Variants in CLTB observed in about 807,000 individuals in gnomAD.
CLTB encodes the protein clathrin, light chain (Lcb).
CLTB carries 10 observed loss-of-function variants against 30.5 expected under a neutral mutation model. The ratio of observed to expected loss-of-function variants is 0.33; its 90% CI spans 0.20 to 0.56. CLTB has a LOEUF of 0.56. CLTB is among the 20% of genes least tolerant of loss of function. The pLI is 0.91. For synonymous variants in CLTB, 102 were observed against 120.3 expected, an observed-to-expected ratio of 0.85 and a Z score of 1.00; for missense variants, 261 against 308.3, an observed-to-expected ratio of 0.85 and a Z score of 1.15.
chr5:176,394,770 A>G (rs908620744), intron 5 of CLTB, among the ~76,000 whole-genome samples: 9 of 152,082 alleles, frequency 5.9e-5, no homozygotes, highest in South Asian at 4.2e-4. Flanking sequence ...AGCTGAGATC[A>G]TGCCACTGCA....
At chr5:176,415,378 G>A (rs771212395) in intron 1 of CLTB, among the ~76,000 whole-genome samples, 4 of 152,110 alleles carry the variant, frequency 2.6e-5, no homozygotes, top group African/African-American at 4.8e-5. Context: ...CTTCAAGTCC[G>A]ACAGGAACAG....
chr5:176,402,209 G>A (rs1158884379), intron 2 of CLTB, among the ~76,000 whole-genome samples: 1 of 152,186 alleles, frequency 6.6e-6, no homozygotes, highest in Non-Finnish European at 1.5e-5. Context: ...GGCTGAGGCA[G>A]GAGAATTGAA....
rs752659726 is a variant in CLTB at position 176,396,528 on chromosome 5, C to T, written c.469G>A (p.Ala157Thr). ...GGCTGCTGGTAGAATGCTTTGTCAGCGATCCTTGAGGGAAAGGTTGAGGGA... is the reference window on the plus strand; with the variant it reads ...GGCTGCTGGTAGAATGCTTTGTCAGTGATCCTTGAGGGAAAGGTTGAGGGA... ...VEKNKINNRI[A>T]DKAFYQQPDA... The change falls in exon 5 of 6, where the codon GCT becomes ACT. Residue 157 changes from alanine (A) to threonine (T), a missense_variant. Physicochemically the swap from Ala to Thr is moderately conservative, Grantham distance 58. Transcript: ENST00000310418. 3.7e-6 allele frequency: 6 copies of T among 1,612,950 alleles called. No homozygotes were observed. The highest frequency in any genetic ancestry group is 3.3e-5 in the South Asian group (3 of 90,816).
intron 2 of CLTB, chr5:176,406,367 C>T (rs1757120887): frequency 1.8e-6 from 2 of 1,128,608 alleles, no homozygotes; most frequent in African/African-American, 3.3e-5. Flanking sequence ...GGCCCCTCTG[C>T]TGGGCCCACC....
At chr5:176,409,838 C>T (rs946819889) in intron 2 of CLTB, among the ~76,000 whole-genome samples, 40 of 152,312 alleles carry the variant, frequency 2.6e-4, no homozygotes, top group African/African-American at 9.4e-4. Context: ...ATCTGGGTGG[C>T]CTTGTCCAAT....
chr5:176,398,813 A>G (rs1013314495), intron 2 of CLTB, among the ~76,000 whole-genome samples: 1 of 151,898 alleles, frequency 6.6e-6, no homozygotes, highest in Non-Finnish European at 1.5e-5. Flanking sequence ...GGTTGTATTA[A>G]CTCCTAACAC....
rs1221627244 is a variant in CLTB at position 176,393,161 on chromosome 5, C to T, written c.519-216G>A. Among the ~76,000 whole-genome samples the T allele has an allele frequency of 4.6e-5, 7 of 152,118 alleles. No individual in the cohort carries two copies. Among genetic ancestry groups the T allele is most frequent in the East Asian group, 3.9e-4 (2 of 5,178 alleles). The stretch of plus-strand genomic sequence containing the variant: ...CTTGCTATCACCTCTTCCTGGAACA[C>T]GCTTCTCCCAGACCTGTTCCTGGCT... On this transcript the variant is annotated intron_variant, in intron 5 of 5. Transcript: ENST00000310418. The surrounding 1 kb of genome is among the most constrained non-coding windows in gnomAD (Gnocchi z 4.4).
chr5:176,411,775 T>C (rs1020511208), intron 1 of CLTB, among the ~76,000 whole-genome samples: 2 of 152,196 alleles, frequency 1.3e-5, no homozygotes, highest in Non-Finnish European at 2.9e-5. Context: ...TGCCCATTCC[T>C]GACTCACTTC....
intron 1 of CLTB, 84 bp downstream of exon 1, chr5:176,416,093 C>A (rs1757675991): frequency 7.7e-7 from 1 of 1,305,398 alleles, no homozygotes; most frequent in Non-Finnish European, 1.0e-6. Flanking sequence ...CTAGAGCAGG[C>A]TCTCTTCCCT....
At chr5:176,401,018 C>T (rs977229113) in intron 2 of CLTB, among the ~76,000 whole-genome samples, 3 of 152,188 alleles carry the variant, frequency 2.0e-5, no homozygotes, top group Non-Finnish European at 4.4e-5. Context: ...CTGGGATCAT[C>T]GGGGCAGCTG....
rs1319274168 is a variant in CLTB, at chr5:176,393,884, T to C, written c.519-939A>G. Among the ~76,000 whole-genome samples the C allele has an allele frequency of 6.6e-6, 1 of 152,154 alleles. No homozygotes were observed. The highest frequency in any genetic ancestry group is 1.5e-5 in the Non-Finnish European group (1 of 68,022). ...TGAGGAGAGCTGGGTCTATGTCCTG[T>C]TTGGCCAGCGAGGGTCGCTCACAAG... On this transcript the variant is annotated intron_variant, in intron 5 of 5. Transcript: ENST00000310418. This position sits in a 1 kb window ranked among gnomAD's most constrained non-coding sequence, Gnocchi z 4.4.
intron 2 of CLTB, chr5:176,401,693 AC>A: frequency 2.2e-6 from 1 of 456,156 alleles, no homozygotes; most frequent in Non-Finnish European, 4.4e-6. Flanking sequence ...CTTGTGTTGC[AC>A]AGCATTTTCA....
At chr5:176,394,057 A>T (rs1756378684) in intron 5 of CLTB, among the ~76,000 whole-genome samples, 1 of 152,144 alleles carries the variant, frequency 6.6e-6, no homozygotes, top group Non-Finnish European at 1.5e-5. Context: ...CTCATTTCCT[A>T]GCCTGTAAAA....
rs752377031 is a variant in CLTB, at chr5:176,416,355, A to G, written c.9T>C (p.Asp3=). Residue 3 remains aspartate, a synonymous_variant, in exon 1 of 6, where the codon GAT becomes GAC. Transcript: ENST00000310418. MA[D]DFGFFSSSES... ...CCGACGACGAGAAGAAGCCAAAGTC[A>G]TCAGCCATTTTCCCCGCGCCTCCGC... 3.8e-6 allele frequency: 6 copies of G among 1,593,674 alleles called. No individual in the cohort carries two copies. The highest frequency in any genetic ancestry group is 5.1e-6 in the Non-Finnish European group (6 of 1,172,888).
intron 2 of CLTB, among the ~76,000 whole-genome samples, chr5:176,401,571 A>G (rs375797136): frequency 1.3e-5 from 2 of 152,298 alleles, no homozygotes; most frequent in African/African-American, 4.8e-5. Context: ...AGAGGGTCAT[A>G]TCTGAGCACT....
Position 176,393,665 on chromosome 5 carries a change from T to C in CLTB, c.519-720A>G, listed in dbSNP as rs1756358651. On this transcript the variant is annotated intron_variant, in intron 5 of 5. Coordinates refer to ENST00000310418, the MANE Select transcript of CLTB (RefSeq NM_007097.5). The surrounding 1 kb of genome is among the most constrained non-coding windows in gnomAD (Gnocchi z 4.4). ...CTCTGAGGAGCCACAGCCTGGGGCA[T>C]GAATGCTCCACTGGAGTCTGCTTTT... Among the ~76,000 whole-genome samples, 1 of 152,184 alleles carries C rather than the reference T, an allele frequency of 6.6e-6. No homozygotes were observed. Among genetic ancestry groups the C allele is most frequent in the Non-Finnish European group, 1.5e-5 (1 of 68,040 alleles).
At chr5:176,400,020 C>T (rs750240226) in intron 2 of CLTB, among the ~76,000 whole-genome samples, 7 of 151,904 alleles carry the variant, frequency 4.6e-5, no homozygotes, top group Non-Finnish European at 1.0e-4. Context: ...GGTGAAACCC[C>T]ATCTCTACTA....
intron 1 of CLTB, among the ~76,000 whole-genome samples, chr5:176,412,020 C>CA (rs1472193854): frequency 2.6e-4 from 39 of 151,782 alleles, no homozygotes; most frequent in African/African-American, 8.5e-4. Context: ...ACTAAAAATA[C>CA]AAAAAATTAG....
At chr5:176,407,173 C>A (rs998543076) in intron 2 of CLTB, among the ~76,000 whole-genome samples, 1 of 152,100 alleles carries the variant, frequency 6.6e-6, no homozygotes, top group Non-Finnish European at 1.5e-5. Context: ...AGGGAGAAGG[C>A]GGGGGGCCAA....
Sources: allele counts gnomAD v4.1 joint callset (sites outside exome capture counted in the v4.1 genomes callset), GRCh38; gene constraint gnomAD v4.1.1; non-coding constraint Gnocchi (gnomAD v3.1); transcripts MANE v1.5; gene names NCBI Gene and HGNC (gene_info 2026-07-23, HGNC 2026-07-21).